Variants in INTS8 observed in about 807,000 individuals in gnomAD.
INTS8 encodes the protein integrator complex subunit 8, also known as protein kaonashi-1.
A neutral mutation model predicts 138.9 loss-of-function variants in INTS8; 47 were observed. The ratio of observed to expected loss-of-function variants is 0.34; its 90% CI spans 0.27 to 0.43. The LOEUF is 0.43. Ranked by LOEUF, INTS8 falls within the 20% of genes least tolerant of loss-of-function variation. The probability of loss-of-function intolerance (pLI) is 1.00; values close to 1 mark genes in which losing one functional copy is unlikely to be tolerated. For synonymous variants in INTS8, 392 were observed against 400.9 expected (o/e 0.98, Z 0.27); for missense variants, 996 against 1,173.0 (o/e 0.85, Z 2.20).
intron 14 of INTS8, among the ~76,000 whole-genome samples, chr8:94,855,366 A>G (rs1815706299): frequency 6.6e-6 from 1 of 152,182 alleles, no homozygotes; most frequent in Admixed American, 6.6e-5. Flanking sequence ...AGTCTTCAAA[A>G]TCCAGTAAGT....
chr8:94,837,882 C>T (rs1001916992), intron 7 of INTS8, among the ~76,000 whole-genome samples: 1 of 151,976 alleles, frequency 6.6e-6, no homozygotes, highest in Admixed American at 6.6e-5. Flanking sequence ...TTTTTGGTCC[C>T]CTTTGCATAG....
intron 2 of INTS8, among the ~76,000 whole-genome samples, 180 bp downstream of exon 2, chr8:94,825,247 T>C (rs1375097795): frequency 6.6e-6 from 1 of 152,058 alleles, no homozygotes; most frequent in Non-Finnish European, 1.5e-5. Flanking sequence ...GTCAGGAGTT[T>C]GAGACCAGCC....
intron 1 of INTS8, among the ~76,000 whole-genome samples, chr8:94,824,419 C>G (rs890040097): frequency 6.6e-6 from 1 of 152,210 alleles, no homozygotes; most frequent in African/African-American, 2.4e-5. Flanking sequence ...TAATTGCTCA[C>G]ATCCGTTACC....
In INTS8 at chr8:94,881,657, G is replaced by T; in HGVS notation, c.*1423G>T. 2 of 1,613,272 alleles carry T rather than the reference G, an allele frequency of 1.2e-6. No individual in the cohort carries two copies. Among genetic ancestry groups the T allele is most frequent in the East Asian group, 2.2e-5 (1 of 44,858 alleles). On this transcript the variant is annotated 3_prime_UTR_variant, in exon 27 of 27. Transcript: ENST00000523731. ...TTAGTGTTTTCCTGGTGGTTTTTCA[G>T]TGCTCTTCGGTGGTGTCATAATGCC...
Position 94,827,271 on chromosome 8 carries a change from T to G in INTS8, c.314T>G (p.Val105Gly). The change falls in exon 3 of 27, where the codon GTT (valine) becomes GGT (glycine). Residue 105 changes from valine to glycine, a missense_variant. Transcript: ENST00000523731. ...CGTTTTGCTTCTTCAAGTTTGTCTG[T>G]TCCAGTATTGAATATGCTACTAAAT... ...DLDILEKSLSVPVLNMLLNEL... is the reference protein window; with the variant it reads ...DLDILEKSLSGPVLNMLLNEL... 6.2e-7 allele frequency: 1 copy of G among 1,613,616 alleles called. No homozygotes were observed. Among genetic ancestry groups the G allele is most frequent in the Non-Finnish European group, 8.5e-7 (1 of 1,179,548 alleles).
At chr8:94,867,504 G>T in intron 20 of INTS8, 167 bp downstream of exon 20, 4 of 506,730 alleles carry the variant, frequency 7.9e-6, no homozygotes, top group Non-Finnish European at 1.4e-5. Context: ...CCTGTAAATT[G>T]TGGATAAGGC....
At chr8:94,879,332 C>T (rs1192757813) in intron 26 of INTS8, among the ~76,000 whole-genome samples, 3 of 152,132 alleles carry the variant, frequency 2.0e-5, no homozygotes, top group Non-Finnish European at 2.9e-5. Flanking sequence ...CAGTGGCTCA[C>T]GCCTGTAATC....
Position 94,828,992 on chromosome 8 carries a change from A to C in INTS8, c.536A>C (p.Gln179Pro). Reference protein sequence around the residue: ...PQLSVMNQMQQEKELTENILK... With the variant: ...PQLSVMNQMQPEKELTENILK... ...TCTTTTAGTATGAATCAAATGCAAC[A>C]GGAAAAAGAGCTAACAGAAAACATT... The change falls in exon 5 of 27, where the codon CAG (glutamine) becomes CCG (proline). Residue 179 changes from glutamine (Q) to proline (P), a missense_variant. Physicochemically the swap from Gln to Pro is moderately conservative, Grantham distance 76 (BLOSUM62 -1). Coordinates refer to ENST00000523731, the MANE Select transcript of INTS8 (RefSeq NM_017864.4). 6.3e-7 allele frequency: 1 copy of C among 1,598,950 alleles called. No individual in the cohort carries two copies.
intron 26 of INTS8, among the ~76,000 whole-genome samples, chr8:94,877,352 A>G (rs968647389): frequency 1.3e-5 from 2 of 152,232 alleles, no homozygotes; most frequent in African/African-American, 2.4e-5. Context: ...GGACTAAAAT[A>G]TATGCCCATT....
At chr8:94,875,956 C>G (rs1452655102) in intron 23 of INTS8, 118 bp from the exon 24 acceptor site, 1 of 725,572 alleles carries the variant, frequency 1.4e-6, no homozygotes, top group African/African-American at 1.8e-5. Context: ...GGATGGAATC[C>G]ATAACTATGA....
chr8:94,827,643 A>C, intron 3 of INTS8, 79 bp from the exon 4 acceptor site: 1 of 1,230,220 alleles, frequency 8.1e-7, no homozygotes, highest in East Asian at 2.3e-5. Context: ...AATTTATACA[A>C]ACCTAAGGAG....
chr8:94,876,296 A>C lies in INTS8; in HGVS notation c.2827+11A>C, dbSNP rs757976422. On this transcript the variant is annotated intron_variant, in intron 25 of 26. Transcript: ENST00000523731. Reference sequence around the variant, plus strand: ...TGGAATACTTGACTTGTATCCTTTCATCCATGTGTGTGATGTTAGAATGAT... The same window carrying C: ...TGGAATACTTGACTTGTATCCTTTCCTCCATGTGTGTGATGTTAGAATGAT... 1 of 1,594,802 alleles carries C rather than the reference A, an allele frequency of 6.3e-7. No individual in the cohort carries two copies. Among genetic ancestry groups the C allele is most frequent in the South Asian group, 1.1e-5 (1 of 90,400 alleles).
At chr8:94,836,296 T>G (rs1419639512) in intron 6 of INTS8, among the ~76,000 whole-genome samples, 1 of 152,228 alleles carries the variant, frequency 6.6e-6, no homozygotes, top group Non-Finnish European at 1.5e-5. Flanking sequence ...TTAATAATTC[T>G]GTAGGCGACC....
chr8:94,865,102 CT>C (rs1201518290), intron 16 of INTS8, among the ~76,000 whole-genome samples: 1 of 151,978 alleles, frequency 6.6e-6, no homozygotes, highest in Non-Finnish European at 1.5e-5. Flanking sequence ...ACCTCACCCC[CT>C]GGGCTTTTAC....
chr8:94,835,844 C>T (rs368799857), intron 6 of INTS8, among the ~76,000 whole-genome samples: 3 of 152,152 alleles, frequency 2.0e-5, no homozygotes, highest in Non-Finnish European at 2.9e-5. Context: ...GTGATCCACC[C>T]GCCTCGGCCT....
chr8:94,835,415 A>G (rs986520757), intron 6 of INTS8, among the ~76,000 whole-genome samples: 3 of 152,200 alleles, frequency 2.0e-5, no homozygotes, highest in African/African-American at 7.2e-5. Context: ...TCCACATCTT[A>G]CATACAAATT....
chr8:94,850,421 G>T (rs1313114383), intron 12 of INTS8, among the ~76,000 whole-genome samples: 2 of 152,090 alleles, frequency 1.3e-5, no homozygotes, highest in Non-Finnish European at 2.9e-5. Flanking sequence ...GACCATCCTG[G>T]CTAACACGGT....
At chr8:94,841,443 C>CTTTTTTTTTTTTTTTT in intron 8 of INTS8, 48 bp from the exon 9 acceptor site, 1 of 921,672 alleles carries the variant, frequency 1.1e-6, no homozygotes, top group Non-Finnish European at 1.7e-6. Flanking sequence ...AGTAAAAAAA[C>CTTTTTTTTTTTTTTTT]TTTACCATGA....
intron 1 of INTS8, among the ~76,000 whole-genome samples, chr8:94,824,687 CT>C (rs1814415821): frequency 4.6e-5 from 7 of 151,190 alleles, no homozygotes; most frequent in African/African-American, 1.7e-4. Flanking sequence ...TCCGCATCTC[CT>C]TTAACCCCCA....
Sources: gnomAD v4.1 joint callset for allele counts (sites outside exome capture counted in the v4.1 genomes callset) on GRCh38, gnomAD v4.1.1 for gene constraint, MANE v1.5 for transcripts, NCBI Gene and HGNC (gene_info 2026-07-23, HGNC 2026-07-21) for gene names.